PTPRF: variants seen among roughly 807,000 people sequenced by gnomAD.
PTPRF encodes the protein receptor-type tyrosine-protein phosphatase F.
In PTPRF, 59 loss-of-function variants were observed where a neutral mutation model predicts 201.8. The ratio of observed to expected loss-of-function variants is 0.29; its 90% CI spans 0.24 to 0.36. The LOEUF (loss-of-function observed/expected upper bound fraction) is 0.36, where lower values mean the gene tolerates loss of function less well. Ranked by LOEUF, PTPRF falls within the 10% of genes least tolerant of loss-of-function variation. The pLI is 1.00. For synonymous variants in PTPRF, 1,088 were observed against 1,089.7 expected, an observed-to-expected ratio of 1.00 and a Z score of 0.03; for missense variants, 2,132 against 2,690.5, an observed-to-expected ratio of 0.79 and a Z score of 4.59.
chr1:43,605,725 A>T, intron 19 of PTPRF, 103 bp downstream of exon 19: 1 of 1,138,306 alleles, frequency 8.8e-7, no homozygotes. Flanking sequence ...TTCACTCCCC[A>T]AATTGAAATC....
intron 6 of PTPRF, chr1:43,575,917 A>G (rs774734608): frequency 7.3e-7 from 1 of 1,364,368 alleles, no homozygotes. Flanking sequence ...CAGGTGGTTC[A>G]CCAATCAGAG....
intron 13 of PTPRF, among the ~76,000 whole-genome samples, chr1:43,599,790 G>A (rs566695417): frequency 2.6e-5 from 4 of 152,244 alleles, no homozygotes; most frequent in Non-Finnish European, 4.4e-5. Context: ...GCTGCGCTTG[G>A]ATGAGAAGCC....
chr1:43,591,745 C>T, intron 9 of PTPRF, 67 bp from the exon 10 acceptor site: 1 of 1,588,266 alleles, frequency 6.3e-7, no homozygotes, highest in East Asian at 2.3e-5. Context: ...TTCCTCGGCT[C>T]CCTCCTCCCT....
chr1:43,579,247 T>C (rs1205842168), intron 7 of PTPRF: 1 of 557,324 alleles, frequency 1.8e-6, no homozygotes, highest in Non-Finnish European at 3.5e-6. Context: ...TGTATGTGCA[T>C]GTGTGTGTGC....
chr1:43,603,468 C>T lies in PTPRF; in HGVS notation c.2393C>T (p.Ala798Val). The change falls in exon 15 of 34, where the codon GCT (alanine) becomes GTT (valine). Residue 798 changes from alanine to valine, a missense_variant. By Grantham distance (64) the Ala-to-Val change is moderately conservative (BLOSUM62 0). Coordinates refer to ENST00000359947, the MANE Select transcript of PTPRF (RefSeq NM_002840.5). The surrounding 1 kb of genome is among the most constrained non-coding windows in gnomAD (Gnocchi z 5.8). ...GAGACCACCTACTCCGTTACTGTTG[C>T]TGCCTATACCACCAAGGGGGATGGT... ...TPETTYSVTV[A>V]AYTTKGDGAR... The T allele has an allele frequency of 1.9e-6, 3 of 1,614,188 alleles. No homozygotes were observed. Among genetic ancestry groups the T allele is most frequent in the Non-Finnish European group, 2.5e-6 (3 of 1,180,030 alleles).
At chr1:43,570,337 T>C (rs1646483909) in intron 6 of PTPRF, among the ~76,000 whole-genome samples, 1 of 152,030 alleles carries the variant, frequency 6.6e-6, no homozygotes, top group Admixed American at 6.5e-5. Flanking sequence ...AGGAGGGAGG[T>C]GTCACCCCAT....
chr1:43,618,783 A>G (rs1222432182), intron 26 of PTPRF, 34 bp downstream of exon 26: 2 of 1,583,456 alleles, frequency 1.3e-6, no homozygotes, highest in African/African-American at 2.7e-5. Flanking sequence ...TCTCTTACCC[A>G]GACACTGTAA....
intron 21 of PTPRF, among the ~76,000 whole-genome samples, chr1:43,607,409 A>G (rs1655384767): frequency 6.6e-6 from 1 of 152,204 alleles, no homozygotes; most frequent in African/African-American, 2.4e-5. Context: ...GGAGGCCCAC[A>G]GGCCATGGAT....
intron 23 of PTPRF, among the ~76,000 whole-genome samples, chr1:43,615,982 G>A (rs1361127742): frequency 4.6e-5 from 7 of 152,116 alleles, no homozygotes; most frequent in African/African-American, 4.8e-5. Flanking sequence ...GGGAGCATGT[G>A]CAGACAGATA....
chr1:43,569,521 T>G, intron 5 of PTPRF, 69 bp from the exon 6 acceptor site: 1 of 1,473,862 alleles, frequency 6.8e-7, no homozygotes, highest in Non-Finnish European at 9.1e-7. Context: ...GTTGGGGAGG[T>G]TACCCCCAGA....
At chr1:43,550,908 C>CT (rs951658050) in intron 3 of PTPRF, among the ~76,000 whole-genome samples, 16 of 152,286 alleles carry the variant, frequency 1.1e-4, no homozygotes, top group African/African-American at 3.4e-4. Flanking sequence ...GAAGCAGCAG[C>CT]TTATGCAAAG....
chr1:43,596,719 G>A (rs932699884), intron 11 of PTPRF, among the ~76,000 whole-genome samples: 3 of 152,222 alleles, frequency 2.0e-5, no homozygotes, highest in Admixed American at 6.5e-5. Flanking sequence ...GAGCAGAACC[G>A]TGGGCACAGC....
At chr1:43,598,991 T>A (rs750803689) in intron 13 of PTPRF, 78 bp downstream of exon 13, 3 of 1,467,384 alleles carry the variant, frequency 2.0e-6, no homozygotes, top group Non-Finnish European at 2.8e-6. Flanking sequence ...GGCCCAGATA[T>A]GTCCCTCTTC....
Position 43,614,667 on chromosome 1 carries a change from G to A in PTPRF, c.4071+952G>A, listed in dbSNP as rs536048366. 3.3e-5 allele frequency among the ~76,000 whole-genome samples: 5 copies of A among 152,178 alleles called. No homozygotes were observed. In the South Asian group the frequency reaches 6.2e-4, roughly 19 times the overall value. ...AGAGTTTGAGACCAGCCTGGCCACC[G>A]TGGCGAAACTGCATCTCTACTATAA... On this transcript the variant is annotated intron_variant, in intron 23 of 33. Coordinates refer to ENST00000359947, the MANE Select transcript of PTPRF (RefSeq NM_002840.5).
At chr1:43,606,164 A>G in intron 19 of PTPRF, 76 bp from the exon 20 acceptor site, 1 of 1,484,888 alleles carries the variant, frequency 6.7e-7, no homozygotes, top group South Asian at 1.3e-5. Flanking sequence ...CAGGGAGCTG[A>G]CATCCCAGGC....
intron 23 of PTPRF, among the ~76,000 whole-genome samples, chr1:43,614,806 C>T: frequency 6.6e-6 from 1 of 152,062 alleles, no homozygotes; most frequent in Non-Finnish European, 1.5e-5. Flanking sequence ...GAGCCAAGGT[C>T]ATGCCATTGC....
intron 6 of PTPRF, chr1:43,575,921 A>G (rs1224669360): frequency 3.7e-6 from 5 of 1,364,656 alleles, no homozygotes; most frequent in South Asian, 3.4e-5. Flanking sequence ...TGGTTCACCA[A>G]TCAGAGGTAA....
Position 43,622,189 on chromosome 1 carries a change from G to A in PTPRF, c.*186G>A. 1 of 643,664 alleles carries A rather than the reference G, an allele frequency of 1.6e-6. No homozygotes were observed. Among genetic ancestry groups the A allele is most frequent in the South Asian group, 2.0e-5 (1 of 50,884 alleles). 39.9% of individuals were successfully genotyped at this position (643,664 alleles called of 1,614,324 possible). On this transcript the variant is annotated 3_prime_UTR_variant, in exon 34 of 34. Transcript: ENST00000359947. ...AATCAGAGAGCCTAGAACATCCCTG[G>A]GCAAGTGGATGGCCCAGCAGGCAGG...
At chr1:43,612,908 C>A in intron 22 of PTPRF, 1 of 967,416 alleles carries the variant, frequency 1.0e-6, no homozygotes, top group Non-Finnish European at 1.5e-6. Context: ...GAATTCTTCT[C>A]TCCCCTTCCC....
Sources: allele counts gnomAD v4.1 joint callset (sites outside exome capture counted in the v4.1 genomes callset), GRCh38; gene constraint gnomAD v4.1.1; non-coding constraint Gnocchi (gnomAD v3.1); transcripts MANE v1.5; gene names NCBI Gene and HGNC (gene_info 2026-07-23, HGNC 2026-07-21).